CNTNAP2: variants seen among roughly 807,000 people sequenced by gnomAD.
CNTNAP2 encodes the protein contactin associated protein 2.
A neutral mutation model predicts 155.2 loss-of-function variants in CNTNAP2; 98 were observed. The observed-to-expected ratio is 0.63, with a 90% confidence interval of 0.54 to 0.75. The LOEUF (loss-of-function observed/expected upper bound fraction) is 0.75. CNTNAP2 is among the 30% of genes least tolerant of loss of function. The pLI is 0.00. For synonymous variants in CNTNAP2, 651 were observed against 631.2 expected (o/e 1.03, Z -0.47); for missense variants, 1,727 against 1,688.1 (o/e 1.02, Z -0.40).
chr7:147,919,425 C>T (rs976546027), intron 14 of CNTNAP2, among the ~76,000 whole-genome samples: 2 of 148,714 alleles, frequency 1.3e-5, no homozygotes, highest in Admixed American at 6.8e-5. Flanking sequence ...CAGGACTATA[C>T]GCATGTGCCA....
chr7:147,822,913 C>T (rs1420066598), intron 13 of CNTNAP2, among the ~76,000 whole-genome samples: 1 of 152,122 alleles, frequency 6.6e-6, no homozygotes, highest in African/African-American at 2.4e-5. Flanking sequence ...TGCTATTTGT[C>T]AACTCTGCAA....
intron 3 of CNTNAP2, among the ~76,000 whole-genome samples, chr7:147,036,180 T>TA (rs1053850422): frequency 1.3e-3 from 192 of 152,246 alleles, no homozygotes; most frequent in African/African-American, 4.4e-3. Flanking sequence ...GTGTATTTTT[T>TA]AAAAAAAGGA....
chr7:146,968,398 C>G (rs1272015171), intron 3 of CNTNAP2, among the ~76,000 whole-genome samples: 5 of 150,464 alleles, frequency 3.3e-5, no homozygotes, highest in East Asian at 2.0e-4. Context: ...CCAGTTCCTC[C>G]TTGTACCTCT....
chr7:147,038,002 G>A (rs924364243), intron 3 of CNTNAP2, among the ~76,000 whole-genome samples: 3 of 151,982 alleles, frequency 2.0e-5, no homozygotes, highest in Non-Finnish European at 4.4e-5. Context: ...TGAAAGAAGT[G>A]GAAAAATCAC....
intron 1 of CNTNAP2, among the ~76,000 whole-genome samples, chr7:146,119,489 C>T (rs1353702530): frequency 2.0e-5 from 3 of 152,170 alleles, no homozygotes; most frequent in South Asian, 4.1e-4. Context: ...TTGCAGATAG[C>T]GAAAATGAAC....
At chr7:146,741,694 A>C (rs1234773405) in intron 1 of CNTNAP2, among the ~76,000 whole-genome samples, 1 of 152,166 alleles carries the variant, frequency 6.6e-6, no homozygotes, top group Non-Finnish European at 1.5e-5. Context: ...GTGAGGAATC[A>C]TATACATACA....
chr7:146,721,889 A>ATATTTTTTTTT lies in CNTNAP2; in HGVS notation c.98-52381_98-52380insATTTTTTTTTT. On this transcript the variant is annotated intron_variant, in intron 1 of 23. Coordinates refer to ENST00000361727, the MANE Select transcript of CNTNAP2 (RefSeq NM_014141.6). ...TGTGTGTGTGTGTATATATATATAT[A>ATATTTTTTTTT]TTTTTTTTTTTTTTTTTGAGATGGA... is the stretch of plus-strand genomic sequence containing the variant. 4.3e-5 allele frequency among the ~76,000 whole-genome samples: 3 copies of ATATTTTTTTTT among 69,736 alleles called. 1 individual carries two copies. In the African/African-American group the frequency reaches 5.7e-4, roughly 13 times the overall value. The allele number at this position is 69,736 out of a possible 152,430, so 45.7% of individuals were successfully genotyped here. A position where few individuals can be genotyped will look rare whatever the true frequency, so the allele number is the denominator to read the frequency against.
At chr7:147,359,612 C>T (rs1584897919) in intron 9 of CNTNAP2, among the ~76,000 whole-genome samples, 1 of 152,160 alleles carries the variant, frequency 6.6e-6, no homozygotes, top group Non-Finnish European at 1.5e-5. Flanking sequence ...CCTTCATTGC[C>T]TCTGCTTTAA....
intron 12 of CNTNAP2, among the ~76,000 whole-genome samples, chr7:147,627,271 C>T (rs911455994): frequency 6.6e-6 from 1 of 151,956 alleles, no homozygotes; most frequent in Non-Finnish European, 1.5e-5. Flanking sequence ...CTATAGTATC[C>T]CCAAAAGATC....
chr7:146,711,742 G>A (rs1801078387), intron 1 of CNTNAP2, among the ~76,000 whole-genome samples: 1 of 141,718 alleles, frequency 7.1e-6, no homozygotes, highest in Admixed American at 7.2e-5. Context: ...TACATATATA[G>A]TATACACATC....
chr7:146,687,372 G>A (rs1018732653), intron 1 of CNTNAP2, among the ~76,000 whole-genome samples: 8 of 152,082 alleles, frequency 5.3e-5, no homozygotes, highest in African/African-American at 1.9e-4. Flanking sequence ...AGCTATATAG[G>A]GTCATTGTGA....
At chr7:146,850,481 TG>T (rs1181455485) in intron 3 of CNTNAP2, among the ~76,000 whole-genome samples, 2 of 152,180 alleles carry the variant, frequency 1.3e-5, no homozygotes, top group Non-Finnish European at 1.5e-5. Context: ...CAACACTTAT[TG>T]GGGGTTCCTT....
intron 1 of CNTNAP2, among the ~76,000 whole-genome samples, chr7:146,147,707 A>G (rs1240247261): frequency 1.3e-5 from 2 of 152,094 alleles, no homozygotes; most frequent in African/African-American, 2.4e-5. Flanking sequence ...CATCTGCTCT[A>G]TCCTGTTACG....
At chr7:146,500,986 T>A (rs1330225854) in intron 1 of CNTNAP2, among the ~76,000 whole-genome samples, 1 of 152,104 alleles carries the variant, frequency 6.6e-6, no homozygotes, top group Non-Finnish European at 1.5e-5. Flanking sequence ...CTTGAGGAAT[T>A]TTTTTCTTAA....
chr7:147,338,240 C>G (rs1381039342), intron 9 of CNTNAP2, among the ~76,000 whole-genome samples: 1 of 152,102 alleles, frequency 6.6e-6, no homozygotes, highest in Non-Finnish European at 1.5e-5. Flanking sequence ...ACCATCAGAT[C>G]TCATGAGAAC....
intron 1 of CNTNAP2, among the ~76,000 whole-genome samples, chr7:146,588,044 G>A (rs1433710982): frequency 6.6e-6 from 1 of 150,698 alleles, no homozygotes; most frequent in Non-Finnish European, 1.5e-5. Context: ...AAATGTCAAT[G>A]GTATTAGAAA....
Position 148,051,935 on chromosome 7 carries a change from G to C in CNTNAP2, c.2384-66183G>C, listed in dbSNP as rs538433664. Among the ~76,000 whole-genome samples, 6 of 152,098 alleles carry C rather than the reference G, an allele frequency of 3.9e-5. No individual in the cohort carries two copies. The East Asian group carries it at 7.8e-4, about 20-fold the overall frequency. ...CGGGTGGATCACGAGGTCAGGAGAT[G>C]GAGACCATCCTGGCTAACACGGTGA... On this transcript the variant is annotated intron_variant, in intron 15 of 23. Transcript: ENST00000361727.
intron 10 of CNTNAP2, among the ~76,000 whole-genome samples, chr7:147,453,964 T>A (rs1253074946): frequency 6.6e-6 from 1 of 152,070 alleles, no homozygotes; most frequent in East Asian, 1.9e-4. Context: ...AGATGCGCCA[T>A]GTTCTCTTAT....
At chr7:146,845,083 C>G (rs1490809813) in intron 3 of CNTNAP2, among the ~76,000 whole-genome samples, 2 of 152,064 alleles carry the variant, frequency 1.3e-5, no homozygotes, top group Non-Finnish European at 2.9e-5. Flanking sequence ...CAAATGCATA[C>G]ACATAATTGT....
Sources: allele counts gnomAD v4.1 joint callset (sites outside exome capture counted in the v4.1 genomes callset), GRCh38; gene constraint gnomAD v4.1.1; transcripts MANE v1.5; gene names NCBI Gene and HGNC (gene_info 2026-07-23, HGNC 2026-07-21).